The following FIGN variants were observed in gnomAD, a reference collection of about 807,000 sequenced individuals.
FIGN encodes fidgetin, microtubule severing factor.
A neutral mutation model predicts 51.3 loss-of-function variants in FIGN; 11 were observed. That is an observed-to-expected ratio of 0.21 (90% confidence interval 0.13 to 0.35). FIGN has a LOEUF of 0.35. FIGN is among the 10% of genes least tolerant of loss of function. FIGN has a pLI of 1.00. For missense variants in FIGN, 857 were observed against 943.6 expected, an observed-to-expected ratio of 0.91 and a Z score of 1.20; for synonymous variants, 407 against 363.2, an observed-to-expected ratio of 1.12 and a Z score of -1.37.
In FIGN at chr2:163,611,530, C is replaced by T. The variant is rs372470274; in HGVS notation, c.302G>A (p.Gly101Asp). 1.2e-6 allele frequency: 2 copies of T among 1,614,216 alleles called. No homozygotes were observed. Among genetic ancestry groups the T allele is most frequent in the Non-Finnish European group, 1.7e-6 (2 of 1,180,026 alleles). ...YSDTPSGLVNGRKNESEPWQP... is the reference protein window; with the variant it reads ...YSDTPSGLVNDRKNESEPWQP... ...CCAGGGTTCACTTTCATTTTTCCGA[C>T]CGTTCACTAGTCCTGATGGTGTGTC... The change falls in exon 3 of 3, where the codon GGT becomes GAT. Residue 101 changes from glycine (G) to aspartate (D), a missense_variant. By Grantham distance (94) the Gly-to-Asp change is moderately conservative. Transcript: ENST00000333129.
intron 2 of FIGN, among the ~76,000 whole-genome samples, chr2:163,713,099 G>T (rs1458090401): frequency 1.3e-5 from 2 of 152,092 alleles, no homozygotes; most frequent in African/African-American, 4.8e-5. Context: ...ATGTAAATAG[G>T]CATCTTATTT....
At chr2:163,706,189 A>G (rs73019706) in intron 2 of FIGN, among the ~76,000 whole-genome samples, 5,009 of 152,218 alleles carry the variant, frequency 0.033, 281 homozygotes, top group African/African-American at 0.11. Flanking sequence ...TGTTTAACTT[A>G]TCTATCAGTA....
chr2:163,713,703 G>T (rs962189042), intron 2 of FIGN, among the ~76,000 whole-genome samples: 1 of 152,262 alleles, frequency 6.6e-6, no homozygotes, highest in Non-Finnish European at 1.5e-5. Context: ...ACAGTGAGCC[G>T]GAGAATTTCC....
At chr2:163,713,524 C>T (rs16848827) in intron 2 of FIGN, among the ~76,000 whole-genome samples, 5,784 of 152,128 alleles carry the variant, frequency 0.038, 130 homozygotes, top group Non-Finnish European at 0.046. Flanking sequence ...TGTATATAAA[C>T]CAAAAGACAT....
At chr2:163,613,034 A>C (rs1211636877) in intron 2 of FIGN, among the ~76,000 whole-genome samples, 1 of 152,180 alleles carries the variant, frequency 6.6e-6, no homozygotes, top group Non-Finnish European at 1.5e-5. Flanking sequence ...CTAAGCAGTC[A>C]GAATAATTTG....
intron 2 of FIGN, among the ~76,000 whole-genome samples, chr2:163,639,838 A>T (rs991192866): frequency 2.6e-5 from 4 of 152,198 alleles, no homozygotes; most frequent in Admixed American, 6.5e-5. Flanking sequence ...ACCTTTTCCA[A>T]GTATTTTATT....
chr2:163,688,571 G>A (rs752151291), intron 2 of FIGN, among the ~76,000 whole-genome samples: 5 of 152,178 alleles, frequency 3.3e-5, no homozygotes, highest in African/African-American at 2.4e-5. Flanking sequence ...TTAGATGGAA[G>A]ATGAGACCAG....
chr2:163,702,315 T>C (rs1684421175), intron 2 of FIGN, among the ~76,000 whole-genome samples: 1 of 152,168 alleles, frequency 6.6e-6, no homozygotes, highest in African/African-American at 2.4e-5. Context: ...TGATAAGATA[T>C]AAAGAACTAC....
chr2:163,708,922 T>A (rs1370138327), intron 2 of FIGN, among the ~76,000 whole-genome samples: 1 of 152,214 alleles, frequency 6.6e-6, no homozygotes, highest in African/African-American at 2.4e-5. Context: ...TATAGACTAT[T>A]GTTCATTGTT....
At chr2:163,730,726 A>G (rs1224235807) in intron 2 of FIGN, among the ~76,000 whole-genome samples, 1 of 152,202 alleles carries the variant, frequency 6.6e-6, no homozygotes, top group Non-Finnish European at 1.5e-5. Context: ...TAGTTTATCA[A>G]TGACTCAAGA....
intron 2 of FIGN, among the ~76,000 whole-genome samples, chr2:163,704,598 G>C (rs1209341047): frequency 3.0e-5 from 3 of 100,226 alleles, no homozygotes; most frequent in Non-Finnish European, 6.2e-5. Context: ...CTGTCAAATG[G>C]GAATAACCCA....
chr2:163,657,627 A>C (rs143926061), intron 2 of FIGN, among the ~76,000 whole-genome samples: 129 of 152,184 alleles, frequency 8.5e-4, no homozygotes, highest in African/African-American at 3.0e-3. Context: ...CATGTAATTA[A>C]AAGAAGCCTA....
chr2:163,728,197 A>G (rs1011483905), intron 2 of FIGN, among the ~76,000 whole-genome samples: 3 of 152,016 alleles, frequency 2.0e-5, no homozygotes, highest in African/African-American at 7.3e-5. Flanking sequence ...CTCAATGAGC[A>G]TACTTTCGTT....
chr2:163,678,944 C>T (rs1307981656), intron 2 of FIGN, among the ~76,000 whole-genome samples: 2 of 152,178 alleles, frequency 1.3e-5, no homozygotes, highest in Non-Finnish European at 2.9e-5. Context: ...CACACATATA[C>T]AATAAGTGGT....
At chr2:163,685,839 A>T (rs1684138935) in intron 2 of FIGN, among the ~76,000 whole-genome samples, 1 of 152,216 alleles carries the variant, frequency 6.6e-6, no homozygotes, top group Admixed American at 6.5e-5. Flanking sequence ...AGAGAACTTC[A>T]CTTTCTCAGC....
At chr2:163,617,104 C>A (rs1287948776) in intron 2 of FIGN, 8 of 985,182 alleles carry the variant, frequency 8.1e-6, no homozygotes, top group Non-Finnish European at 9.6e-6. Flanking sequence ...TCTAGTATTA[C>A]TAGTACTAAC....
At chr2:163,636,126 C>A (rs1322092563) in intron 2 of FIGN, among the ~76,000 whole-genome samples, 1 of 152,134 alleles carries the variant, frequency 6.6e-6, no homozygotes, top group Non-Finnish European at 1.5e-5. Context: ...ATGTTAGGAT[C>A]AGTTCTGGGT....
At chr2:163,681,909 T>C (rs1406358169) in intron 2 of FIGN, among the ~76,000 whole-genome samples, 1 of 152,208 alleles carries the variant, frequency 6.6e-6, no homozygotes, top group Non-Finnish European at 1.5e-5. Flanking sequence ...TTCTCACTAG[T>C]CCAGCCAGGA....
chr2:163,671,120 C>T (rs898542253), intron 2 of FIGN, among the ~76,000 whole-genome samples: 11 of 152,140 alleles, frequency 7.2e-5, no homozygotes, highest in African/African-American at 2.7e-4. Flanking sequence ...AGCTTGTGAT[C>T]GCCCAGAGAT....
Sources: gnomAD v4.1 joint callset for allele counts (sites outside exome capture counted in the v4.1 genomes callset) on GRCh38, gnomAD v4.1.1 for gene constraint, MANE v1.5 for transcripts, NCBI Gene and HGNC (gene_info 2026-07-23, HGNC 2026-07-21) for gene names.